KRCC1: variants seen among roughly 807,000 people sequenced by gnomAD.
KRCC1 encodes the protein lysine rich coiled-coil 1, also known as lysine-rich coiled-coil protein 1.
In KRCC1, 3 loss-of-function variants were observed where a neutral mutation model predicts 7.4. The observed-to-expected ratio is 0.40, with a 90% CI of 0.18 to 1.04. The LOEUF (loss-of-function observed/expected upper bound fraction) is 1.04. Among genes scored for constraint, KRCC1 ranks in the 50% least tolerant of loss-of-function variants. The pLI is 0.33. For synonymous variants in KRCC1, 102 were observed against 101.6 expected (o/e 1.00, Z -0.02); for missense variants, 277 against 300.9 (o/e 0.92, Z 0.59).
At chr2:88,053,498 T>C (rs536038317) in intron 1 of KRCC1, among the ~76,000 whole-genome samples, 1 of 152,336 alleles carries the variant, frequency 6.6e-6, no homozygotes, top group South Asian at 2.1e-4. Context: ...GTCTTTTAAC[T>C]GCTCAGGCTT....
At chr2:88,028,636 C>A in intron 3 of KRCC1, 51 bp from the exon 4 acceptor site, 72 of 814,624 alleles carry the variant, frequency 8.8e-5, no homozygotes, top group Non-Finnish European at 1.2e-4. Context: ...CTGAGCATTT[C>A]CTTTGCTCTT....
intron 2 of KRCC1, among the ~76,000 whole-genome samples, chr2:88,035,965 G>T (rs188392621): frequency 6.6e-6 from 1 of 152,238 alleles, no homozygotes; most frequent in Non-Finnish European, 1.5e-5. Flanking sequence ...AAAGTGATTT[G>T]CTCAGCAATT....
At position 88,028,396 on chromosome 2, in the gene KRCC1, A is replaced by G. The variant is rs1672922064; in HGVS notation, c.168T>C (p.Tyr56=). The G allele has an allele frequency of 1.2e-6, 2 of 1,614,126 alleles. No homozygotes were observed. Among genetic ancestry groups the G allele is most frequent in the Middle Eastern group, 1.6e-4 (1 of 6,062 alleles). The change falls in exon 4 of 4, where the codon TAT becomes TAC. Residue 56 remains tyrosine, a synonymous_variant. Transcript: ENST00000347055. Reference sequence around the variant, plus strand: ...ATGGGAGTCTCTGGTCAAACATTCTATACGTGGGTCTGGAATTAACCTCTC... The same window carrying G: ...ATGGGAGTCTCTGGTCAAACATTCTGTACGTGGGTCTGGAATTAACCTCTC... The part of the protein sequence containing the change: ...YKGEVNSRPT[Y]RMFDQRLPSE...
intron 3 of KRCC1, among the ~76,000 whole-genome samples, chr2:88,033,537 T>G (rs1253164207): frequency 6.6e-6 from 1 of 152,026 alleles, no homozygotes; most frequent in Non-Finnish European, 1.5e-5. Context: ...AAAAAAAAAG[T>G]CACTAATAAG....
intron 1 of KRCC1, among the ~76,000 whole-genome samples, chr2:88,054,855 G>A (rs939230409): frequency 6.6e-6 from 1 of 152,186 alleles, no homozygotes; most frequent in Non-Finnish European, 1.5e-5. Flanking sequence ...CGTAGTCCCA[G>A]CTACTCCGGA....
At chr2:88,052,284 G>A (rs910297455) in intron 1 of KRCC1, among the ~76,000 whole-genome samples, 8 of 152,150 alleles carry the variant, frequency 5.3e-5, no homozygotes, top group Non-Finnish European at 1.2e-4. Flanking sequence ...TCCAATACTG[G>A]AAGTGTAAAC....
chr2:88,044,499 T>C (rs6705301), intron 1 of KRCC1, among the ~76,000 whole-genome samples: 100,239 of 151,972 alleles, frequency 0.66, 33,506 homozygotes, highest in South Asian at 0.81. Context: ...CTAGAAGATA[T>C]AAAGACTTTT....
At chr2:88,028,619 T>A in intron 3 of KRCC1, 34 bp from the exon 4 acceptor site, 7 of 1,151,072 alleles carry the variant, frequency 6.1e-6, no homozygotes, top group Non-Finnish European at 8.7e-6. Flanking sequence ...TACCAGATCA[T>A]CTTGTCCTGA....
intron 1 of KRCC1, among the ~76,000 whole-genome samples, chr2:88,041,393 T>G (rs1486525786): frequency 1.3e-5 from 2 of 152,200 alleles, no homozygotes; most frequent in Non-Finnish European, 1.5e-5. Flanking sequence ...CATTAAGCAT[T>G]CAAAAAGCAG....
intron 3 of KRCC1, among the ~76,000 whole-genome samples, chr2:88,032,091 G>A (rs557325892): frequency 1.3e-5 from 2 of 152,162 alleles, no homozygotes; most frequent in African/African-American, 2.4e-5. Flanking sequence ...GCAATAAGCC[G>A]AGATCGCGCC....
intron 1 of KRCC1, among the ~76,000 whole-genome samples, chr2:88,037,408 T>C (rs1274585081): frequency 1.3e-5 from 2 of 152,196 alleles, no homozygotes; most frequent in Non-Finnish European, 2.9e-5. Context: ...CTAATGATTC[T>C]AGATACATCA....
At position 88,034,174 on chromosome 2, in the gene KRCC1, T is replaced by C. The variant is rs1015367951; in HGVS notation, c.-63A>G. 1.3e-5 allele frequency: 2 copies of C among 152,612 alleles called. No homozygotes were observed. The highest frequency in any genetic ancestry group is 4.8e-5 in the African/African-American group (2 of 41,436). The allele number at this position is 152,612 out of a possible 1,614,324, so 9.5% of individuals were successfully genotyped here. A position where few individuals can be genotyped will look rare whatever the true frequency, so the allele number is the denominator to read the frequency against. On this transcript the variant is annotated 5_prime_UTR_variant, in exon 3 of 4. Transcript: ENST00000347055. ...AATTTGGTGGAGAAATCTGATCATA[T>C]TCACTCAGTTTTTCAGCATGAATTT...
At chr2:88,054,587 C>G (rs1023639483) in intron 1 of KRCC1, among the ~76,000 whole-genome samples, 2 of 152,052 alleles carry the variant, frequency 1.3e-5, no homozygotes, top group African/African-American at 4.8e-5. Context: ...GGCCTACTTG[C>G]GTTTTTACAA....
chr2:88,028,860 A>G (rs1672938400), intron 3 of KRCC1, among the ~76,000 whole-genome samples: 1 of 152,054 alleles, frequency 6.6e-6, no homozygotes, highest in African/African-American at 2.4e-5. Context: ...CATGTTGACC[A>G]GGCTGGTCTC....
intron 3 of KRCC1, among the ~76,000 whole-genome samples, chr2:88,031,964 G>A (rs1462806828): frequency 6.6e-6 from 1 of 151,812 alleles, no homozygotes; most frequent in African/African-American, 2.4e-5. Context: ...CCGACATGGT[G>A]AAACCCCATC....
At chr2:88,046,893 C>T (rs1156496176) in intron 1 of KRCC1, among the ~76,000 whole-genome samples, 1 of 152,136 alleles carries the variant, frequency 6.6e-6, no homozygotes, top group East Asian at 1.9e-4. Context: ...AGGTTGGTCT[C>T]GAACCTCTGG....
chr2:88,049,582 G>A (rs991824601), intron 1 of KRCC1, among the ~76,000 whole-genome samples: 3 of 152,174 alleles, frequency 2.0e-5, no homozygotes, highest in Admixed American at 1.3e-4. Flanking sequence ...TGGGGAAGTC[G>A]AGGCTGCAGT....
chr2:88,043,467 CT>C (rs1258270670), intron 1 of KRCC1, among the ~76,000 whole-genome samples: 1 of 152,178 alleles, frequency 6.6e-6, no homozygotes, highest in Non-Finnish European at 1.5e-5. Flanking sequence ...AAATATGGTC[CT>C]GCAACATTCT....
rs975815710 is a variant in KRCC1, at chr2:88,027,729, C to A, written c.*55G>T. On this transcript the variant is annotated 3_prime_UTR_variant, in exon 4 of 4. Coordinates refer to ENST00000347055, the MANE Select transcript of KRCC1 (RefSeq NM_016618.3). ...TGGTATGAACACGGATATCATAAAA[C>A]CAAGCTCTCACCTATTTTTTCAATT... 2.9e-5 allele frequency: 43 copies of A among 1,484,824 alleles called. No homozygotes were observed. In the Middle Eastern group the frequency reaches 1.3e-3, roughly 43 times the overall value. The allele number at this position is 1,484,824 out of a possible 1,614,324, so 92.0% of individuals were successfully genotyped here.
Sources: allele counts gnomAD v4.1 joint callset (sites outside exome capture counted in the v4.1 genomes callset), GRCh38; gene constraint gnomAD v4.1.1; transcripts MANE v1.5; gene names NCBI Gene and HGNC (gene_info 2026-07-23, HGNC 2026-07-21).